Variants in SYNE1 observed in about 807,000 individuals in gnomAD.
The protein encoded by SYNE1 is spectrin repeat containing nuclear envelope protein 1.
SYNE1 carries 616 observed loss-of-function variants against 1,111.0 expected under a neutral mutation model. The observed-to-expected ratio is 0.55, with a 90% CI of 0.52 to 0.59. SYNE1 has a LOEUF of 0.59. Among genes scored for constraint, SYNE1 ranks in the 20% least tolerant of loss-of-function variants. SYNE1 has a pLI of 0.00. For missense variants in SYNE1, 10,006 were observed against 10,417.0 expected (o/e 0.96, Z 1.72); for synonymous variants, 3,855 against 3,825.8 (o/e 1.01, Z -0.28).
chr6:152,292,223 G>A (rs921076989), intron 95 of SYNE1, among the ~76,000 whole-genome samples: 1 of 152,160 alleles, frequency 6.6e-6, no homozygotes, highest in Non-Finnish European at 1.5e-5. Context: ...GTGATAAAAT[G>A]GGGGAAGCTC....
At chr6:152,567,045 T>C (rs1197458533) in intron 3 of SYNE1, among the ~76,000 whole-genome samples, 3 of 151,760 alleles carry the variant, frequency 2.0e-5, no homozygotes, top group Non-Finnish European at 4.4e-5. Context: ...GGCAACTGTA[T>C]ACCCTTTGTC....
At chr6:152,378,658 T>A (rs1591496155) in intron 56 of SYNE1, among the ~76,000 whole-genome samples, 2 of 152,194 alleles carry the variant, frequency 1.3e-5, no homozygotes, top group Admixed American at 6.5e-5. Context: ...TGCATCTTGA[T>A]GCTGTTCCTC....
In SYNE1 at chr6:152,156,110, G is replaced by A. The variant is rs371245873; in HGVS notation, c.23791-13C>T. The stretch of plus-strand genomic sequence containing the variant: ...CTCTCTGAAGCTCCTGCAGGGGAAC[G>A]TAACAGGCTTTATTCAACAATTACA... On this transcript the variant is annotated splice_polypyrimidine_tract_variant and intron_variant, in intron 131 of 145. Coordinates refer to ENST00000367255, the MANE Select transcript of SYNE1 (RefSeq NM_182961.4). 2.8e-4 allele frequency: 449 copies of A among 1,613,910 alleles called. No individual in the cohort carries two copies. Among genetic ancestry groups the A allele is most frequent in the Middle Eastern group, 9.9e-4 (6 of 6,082 alleles).
chr6:152,461,033 C>T (rs535729996), intron 21 of SYNE1, among the ~76,000 whole-genome samples: 7 of 151,930 alleles, frequency 4.6e-5, no homozygotes, highest in African/African-American at 9.7e-5. Flanking sequence ...AGGCTGGTCT[C>T]GAACTCCTGA....
chr6:152,343,810 C>A (rs187400154), intron 74 of SYNE1, among the ~76,000 whole-genome samples: 2 of 151,600 alleles, frequency 1.3e-5, no homozygotes, highest in Non-Finnish European at 2.9e-5. Context: ...TCAAGTGATT[C>A]GCCCGTTTTG....
chr6:152,394,542 G>C (rs1360522815), intron 51 of SYNE1, among the ~76,000 whole-genome samples: 1 of 151,894 alleles, frequency 6.6e-6, no homozygotes, highest in African/African-American at 2.4e-5. Flanking sequence ...CCTCAATGTA[G>C]GGTCAAAAGC....
At chr6:152,137,250 G>A (rs2057308717) in intron 140 of SYNE1, among the ~76,000 whole-genome samples, 2 of 152,208 alleles carry the variant, frequency 1.3e-5, no homozygotes, top group Admixed American at 6.5e-5. Context: ...GAGGAGTCTT[G>A]TAGGAGGCAA....
intron 131 of SYNE1, among the ~76,000 whole-genome samples, chr6:152,158,800 C>T (rs1461170704): frequency 6.6e-6 from 1 of 152,122 alleles, no homozygotes; most frequent in African/African-American, 2.4e-5. Context: ...GGACATAAAC[C>T]ATGCATTTAA....
At chr6:152,321,449 C>A (rs2095867121) in intron 83 of SYNE1, 59 bp from the exon 84 acceptor site, 3 of 1,581,814 alleles carry the variant, frequency 1.9e-6, no homozygotes, top group Non-Finnish European at 2.6e-6. Flanking sequence ...CTGTTATAGA[C>A]AAGGCTGTAT....
At chr6:152,320,185 C>A (rs1344502070) in intron 84 of SYNE1, 1 of 152,102 alleles carries the variant, frequency 6.6e-6, no homozygotes, top group African/African-American at 2.4e-5. Flanking sequence ...ATGAACTTGC[C>A]AAGTCATCCT....
chr6:152,155,106 T>A, intron 132 of SYNE1, 64 bp from the exon 133 acceptor site: 1 of 1,603,882 alleles, frequency 6.2e-7, no homozygotes, highest in Non-Finnish European at 8.5e-7. Context: ...CAGAACCCGG[T>A]CTGCTGCCTG....
At chr6:152,350,095 C>A (rs2096715528) in intron 72 of SYNE1, 73 bp downstream of exon 72, 1 of 1,590,126 alleles carries the variant, frequency 6.3e-7, no homozygotes, top group South Asian at 1.1e-5. Flanking sequence ...CACATGCACA[C>A]ACATGCACAG....
chr6:152,273,954 G>A (rs1403723130), intron 98 of SYNE1, among the ~76,000 whole-genome samples: 2 of 152,132 alleles, frequency 1.3e-5, no homozygotes, highest in Non-Finnish European at 2.9e-5. Flanking sequence ...GCGGTAGGGT[G>A]GGGCAAGGGA....
Position 152,354,686 on chromosome 6 carries a change from G to A in SYNE1, c.10899C>T (p.Thr3633=). Residue 3633 remains threonine, a synonymous_variant, in exon 67 of 146, where the codon ACC becomes ACT. Transcript: ENST00000367255. The part of the protein sequence containing the change: ...PRTRRQSNRA[T]KEIQLHQMKK... ...TCATCTGATGTAATTGTATCTCCTT[G>A]GTTGCCCTGTTAGACTGACGTCTGG... The A allele has an allele frequency of 6.2e-7, 1 of 1,614,124 alleles. No individual in the cohort carries two copies. The highest frequency in any genetic ancestry group is 8.5e-7 in the Non-Finnish European group (1 of 1,180,024).
chr6:152,369,462 G>T lies in SYNE1; in HGVS notation c.9651+9C>A. 6.2e-7 allele frequency: 1 copy of T among 1,614,112 alleles called. No homozygotes were observed. Among genetic ancestry groups the T allele is most frequent in the Non-Finnish European group, 8.5e-7 (1 of 1,180,018 alleles). ...GTCAGATGGGGCTACGGGGAGGCGG[G>T]CTCATCACCTGGAGCTTCTGCTGCT... On this transcript the variant is annotated intron_variant, in intron 60 of 145. Coordinates refer to ENST00000367255, the MANE Select transcript of SYNE1 (RefSeq NM_182961.4).
chr6:152,504,391 A>G (rs1320195124), intron 9 of SYNE1, among the ~76,000 whole-genome samples: 1 of 152,180 alleles, frequency 6.6e-6, no homozygotes, highest in Admixed American at 6.5e-5. Context: ...GAGCTAGGGA[A>G]GTTCAGTCTG....
At chr6:152,400,663 A>G (rs1351343567) in intron 47 of SYNE1, among the ~76,000 whole-genome samples, 1 of 152,164 alleles carries the variant, frequency 6.6e-6, no homozygotes, top group Admixed American at 6.5e-5. Context: ...TTCCATCTCA[A>G]AAAATAAAAA....
chr6:152,494,001 C>T (rs373540454), intron 11 of SYNE1, among the ~76,000 whole-genome samples: 23 of 152,164 alleles, frequency 1.5e-4, no homozygotes, highest in African/African-American at 5.6e-4. Context: ...TTTCATTACA[C>T]GCAGCCAAAG....
rs1409666150 is a variant in SYNE1, at chr6:152,260,173, T to A, written c.18972+1859A>T. ...CACAGAATCTAGAAATATCGTAGATTTCTCTAACTTAAGATAGTCAGAAAA... is the reference window on the plus strand; with the variant it reads ...CACAGAATCTAGAAATATCGTAGATATCTCTAACTTAAGATAGTCAGAAAA... On this transcript the variant is annotated intron_variant, in intron 101 of 145. Transcript: ENST00000367255. Among the ~76,000 whole-genome samples the A allele has an allele frequency of 1.3e-5, 2 of 152,178 alleles. 1 individual carries two copies. Among genetic ancestry groups the A allele is most frequent in the East Asian group, 3.8e-4 (2 of 5,200 alleles).
Sources: allele counts gnomAD v4.1 joint callset (sites outside exome capture counted in the v4.1 genomes callset), GRCh38; gene constraint gnomAD v4.1.1; transcripts MANE v1.5; gene names NCBI Gene and HGNC (gene_info 2026-07-23, HGNC 2026-07-21).